The following VEGFB variants were observed in gnomAD, a reference collection of about 807,000 sequenced individuals.
The protein encoded by VEGFB is vascular endothelial growth factor B.
Under a neutral mutation model 22.5 loss-of-function variants are expected in VEGFB, and 24 were observed. The observed-to-expected ratio is 1.07, with a 90% CI of 0.77 to 1.50. VEGFB has a LOEUF of 1.50. Ranked by LOEUF, VEGFB falls within the 40% of genes most tolerant of loss-of-function variation. VEGFB has a pLI of 0.00. For synonymous variants in VEGFB, 141 were observed against 117.4 expected (o/e 1.20, Z -1.30); for missense variants, 327 against 287.8 (o/e 1.14, Z -0.99).
chr11:64,238,373 G>C lies in VEGFB; in HGVS notation c.*40G>C. The C allele has an allele frequency of 2.0e-6, 3 of 1,536,220 alleles. No individual in the cohort carries two copies. Among genetic ancestry groups the C allele is most frequent in the Non-Finnish European group, 2.6e-6 (3 of 1,146,884 alleles). On this transcript the variant is annotated 3_prime_UTR_variant, in exon 7 of 7. Transcript: ENST00000309422. ...CTCCTCAGGTGCCGGAAGCTGCGAA[G>C]GTGACACATGGCTTTTCAGACTCAG... is the stretch of plus-strand genomic sequence containing the variant.
At chr11:64,235,720 G>T (rs957287347) in intron 2 of VEGFB, 93 bp from the exon 3 acceptor site, 1 of 1,475,136 alleles carries the variant, frequency 6.8e-7, no homozygotes, top group African/African-American at 1.4e-5. Context: ...GGCTAGTGGA[G>T]GGTGGCTGTG....
chr11:64,237,690 G>A (rs1249392935), intron 6 of VEGFB, 35 bp downstream of exon 6: 2 of 1,494,674 alleles, frequency 1.3e-6, no homozygotes, highest in African/African-American at 1.4e-5. Flanking sequence ...TGTTTGGGAA[G>A]GCACCAAGGC....
At chr11:64,236,861 C>G (rs1272395111) in intron 4 of VEGFB, among the ~76,000 whole-genome samples, 2 of 149,504 alleles carry the variant, frequency 1.3e-5, no homozygotes, top group African/African-American at 4.9e-5. Flanking sequence ...GGCAGATCAC[C>G]TGAGGTAAGG....
intron 1 of VEGFB, 55 bp from the exon 2 acceptor site, chr11:64,235,403 C>T: frequency 1.9e-6 from 3 of 1,557,466 alleles, no homozygotes; most frequent in Non-Finnish European, 2.7e-6. Context: ...GGGACGGTGA[C>T]AGGGCCACAC....
In VEGFB at chr11:64,234,951, G is replaced by A; in HGVS notation, c.60+58G>A. 8.0e-7 allele frequency: 1 copy of A among 1,247,778 alleles called. No homozygotes were observed. The highest frequency in any genetic ancestry group is 1.0e-6 in the Non-Finnish European group (1 of 988,728). The allele number at this position is 1,247,778 out of a possible 1,614,324, so 77.3% of individuals were successfully genotyped here. On this transcript the variant is annotated intron_variant, in intron 1 of 6. Transcript: ENST00000309422. This position sits in a 1 kb window ranked among gnomAD's most constrained non-coding sequence, Gnocchi z 5.3. Reference sequence around the variant, plus strand: ...CGCCGTGCCCTCTCTCAAGGTTGGCGGAAGTGAGGAGGCGACCCGCGGCCT... The same window carrying A: ...CGCCGTGCCCTCTCTCAAGGTTGGCAGAAGTGAGGAGGCGACCCGCGGCCT...
chr11:64,237,957 G>T, intron 6 of VEGFB: 1 of 486,480 alleles, frequency 2.1e-6, no homozygotes, highest in South Asian at 3.3e-5. Context: ...ACATCTGCCC[G>T]GAGTAGAAAT....
chr11:64,235,535 T>C (rs777515185), intron 2 of VEGFB, 35 bp downstream of exon 2: 27 of 1,608,612 alleles, frequency 1.7e-5, no homozygotes, highest in Non-Finnish European at 2.3e-5. Flanking sequence ...TAGCCAGCAC[T>C]AAGAGGGTTT....
In VEGFB at chr11:64,238,603, A is replaced by G. The variant is rs917746766; in HGVS notation, c.*270A>G. 6.6e-6 allele frequency: 4 copies of G among 605,690 alleles called. No individual in the cohort carries two copies. Among genetic ancestry groups the G allele is most frequent in the East Asian group, 2.8e-5 (1 of 36,220 alleles). 37.5% of individuals were successfully genotyped at this position (605,690 alleles called of 1,614,324 possible). A position where few individuals can be genotyped will look rare whatever the true frequency, so the allele number is the denominator to read the frequency against. On this transcript the variant is annotated 3_prime_UTR_variant, in exon 7 of 7. Coordinates refer to ENST00000309422, the MANE Select transcript of VEGFB (RefSeq NM_003377.5). Reference sequence around the variant, plus strand: ...GAAGAGGAGACTGGGAGGCAGCAAGAGGGGTCACATACCAGCTCAGGGGAG... The same window carrying G: ...GAAGAGGAGACTGGGAGGCAGCAAGGGGGGTCACATACCAGCTCAGGGGAG...
At position 64,237,193 on chromosome 11, in the gene VEGFB, A is replaced by G. The variant is rs376009202; in HGVS notation, c.381A>G (p.Lys127=). Reference sequence around the variant, plus strand: ...TGTCTATCTTACTTTTCAGACCTAAAAAAAAGGACAGTGCTGTGAAGCCAG... The same window carrying G: ...TGTCTATCTTACTTTTCAGACCTAAGAAAAAGGACAGTGCTGTGAAGCCAG... ...EEHSQCECRP[K]KKDSAVKPDR... The change falls in exon 5 of 7, where the codon AAA becomes AAG. Residue 127 remains lysine (K), a synonymous_variant. Coordinates refer to ENST00000309422, the MANE Select transcript of VEGFB (RefSeq NM_003377.5). 4.4e-6 allele frequency: 7 copies of G among 1,605,708 alleles called. No individual in the cohort carries two copies. In the African/African-American group the frequency reaches 8.1e-5, roughly 18 times the overall value.
intron 6 of VEGFB, 56 bp downstream of exon 6, chr11:64,237,711 A>G: frequency 6.8e-7 from 1 of 1,461,034 alleles, no homozygotes; most frequent in South Asian, 1.3e-5. Flanking sequence ...CCTGTCCTGG[A>G]GCAGGTCCAG....
Position 64,234,664 on chromosome 11 carries a change from C to A in VEGFB, c.-170C>A. 6.7e-6 allele frequency: 1 copy of A among 150,170 alleles called. No individual in the cohort carries two copies. Among genetic ancestry groups the A allele is most frequent in the Non-Finnish European group, 1.4e-5 (1 of 70,830 alleles). The allele number at this position is 150,170 out of a possible 1,614,324, so 9.3% of individuals were successfully genotyped here. ...CGGCCGCCTCCGCTGCGCTGCGCTG[C>A]GCTGCCTGCACCCAGGGCTCGGGAG... On this transcript the variant is annotated 5_prime_UTR_variant, in exon 1 of 7. Coordinates refer to ENST00000309422, the MANE Select transcript of VEGFB (RefSeq NM_003377.5). This position sits in a 1 kb window ranked among gnomAD's most constrained non-coding sequence, Gnocchi z 5.3.
intron 5 of VEGFB, 36 bp downstream of exon 5, chr11:64,237,258 G>T: frequency 1.3e-6 from 2 of 1,592,422 alleles, no homozygotes; most frequent in Non-Finnish European, 8.6e-7. Context: ...TAGGGGTATG[G>T]GGAGTACAAG....
In VEGFB at chr11:64,235,445, T is replaced by G; in HGVS notation, c.61-13T>G. 4 of 1,613,720 alleles carry G rather than the reference T, an allele frequency of 2.5e-6. No homozygotes were observed. Among genetic ancestry groups the G allele is most frequent in the Non-Finnish European group, 3.4e-6 (4 of 1,179,880 alleles). On this transcript the variant is annotated splice_polypyrimidine_tract_variant and intron_variant, in intron 1 of 6. Coordinates refer to ENST00000309422, the MANE Select transcript of VEGFB (RefSeq NM_003377.5). Reference sequence around the variant, plus strand: ...AAAGTGTACCTTGGGTACAGGTCTTTTCTCTCCCACAGGCCCCTGTCTCCC... The same window carrying G: ...AAAGTGTACCTTGGGTACAGGTCTTGTCTCTCCCACAGGCCCCTGTCTCCC...
In VEGFB at chr11:64,237,701, C is replaced by T. The variant is rs1184098061; in HGVS notation, c.*22+46C>T. 3.4e-6 allele frequency: 5 copies of T among 1,483,294 alleles called. No homozygotes were observed. The African/African-American group carries it at 7.0e-5, about 21-fold the overall frequency. The allele number at this position is 1,483,294 out of a possible 1,614,324, so 91.9% of individuals were successfully genotyped here. ...TGTTTGTTTGGGAAGGCACCAAGGC[C>T]CTGTCCTGGAGCAGGTCCAGGGTGA... On this transcript the variant is annotated intron_variant, in intron 6 of 6. Coordinates refer to ENST00000309422, the MANE Select transcript of VEGFB (RefSeq NM_003377.5).
chr11:64,236,881 C>G (rs1051887238), intron 4 of VEGFB, among the ~76,000 whole-genome samples: 2 of 148,804 alleles, frequency 1.3e-5, no homozygotes, highest in African/African-American at 2.4e-5. Context: ...GCGTTTGAGA[C>G]CAGCCTGGCC....
In VEGFB at chr11:64,237,085, A is replaced by AAG. The variant is rs59541656; in HGVS notation, c.375-65_375-64dup. ...GCAAGAAGAGGGAAACACAGTCTCA[A>AAG]AGAGAGAGAGAGAGAGAGAGAGAGA... On this transcript the variant is annotated intron_variant, in intron 4 of 6. Transcript: ENST00000309422. 8.5e-4 allele frequency: 515 copies of AAG among 604,538 alleles called. 8 individuals carry two copies. The African/African-American group carries it at 0.012, about 14-fold the overall frequency. The allele number at this position is 604,538 out of a possible 1,614,324, so 37.4% of individuals were successfully genotyped here.
chr11:64,236,136 G>A (rs540431826), intron 3 of VEGFB, 118 bp from the exon 4 acceptor site: 6 of 1,530,200 alleles, frequency 3.9e-6, no homozygotes, highest in South Asian at 3.6e-5. Flanking sequence ...AGACAGGGTT[G>A]GGGGGAGGGC....
chr11:64,237,476 C>T lies in VEGFB; in HGVS notation c.467C>T (p.Ala156Val), dbSNP rs138980082. ...QPRSVPGWDS[A>V]PGAPSPADIT... is the part of the protein sequence containing the mutation. ...CGTTCTGTTCCGGGCTGGGACTCTG[C>T]CCCCGGAGCACCCTCCCCAGCTGAC... is the stretch of plus-strand genomic sequence containing the variant. The change falls in exon 6 of 7, where the codon GCC (alanine) becomes GTC (valine). Residue 156 changes from alanine to valine, a missense_variant. Transcript: ENST00000309422. The T allele has an allele frequency of 3.1e-6, 5 of 1,611,976 alleles. No individual in the cohort carries two copies. The highest frequency in any genetic ancestry group is 2.7e-5 in the African/African-American group (2 of 74,866).
intron 1 of VEGFB, 40 bp from the exon 2 acceptor site, chr11:64,235,418 C>G (rs1415863411): frequency 1.2e-6 from 2 of 1,607,038 alleles, no homozygotes; most frequent in East Asian, 2.2e-5. Flanking sequence ...CCACACCCTC[C>G]TAAAGTGTAC....
Sources: allele counts gnomAD v4.1 joint callset (sites outside exome capture counted in the v4.1 genomes callset), GRCh38; gene constraint gnomAD v4.1.1; non-coding constraint Gnocchi (gnomAD v3.1); transcripts MANE v1.5; gene names NCBI Gene and HGNC (gene_info 2026-07-23, HGNC 2026-07-21).